AK9: variants seen among roughly 807,000 people sequenced by gnomAD.
AK9 encodes the protein adenylate kinase 9.
In AK9, 191 loss-of-function variants were observed where a neutral mutation model predicts 239.6. The observed-to-expected ratio is 0.80, with a 90% CI of 0.71 to 0.90. The LOEUF is 0.90. Among genes scored for constraint, AK9 ranks in the 40% least tolerant of loss-of-function variants. The pLI is 0.00. For missense variants in AK9, 1,995 were observed against 2,214.7 expected, an observed-to-expected ratio of 0.90 and a Z score of 1.99; for synonymous variants, 689 against 721.0, an observed-to-expected ratio of 0.96 and a Z score of 0.71.
intron 12 of AK9, 156 bp downstream of exon 12, chr6:109,632,767 T>A: frequency 8.8e-6 from 12 of 1,356,190 alleles, no homozygotes; most frequent in Non-Finnish European, 1.1e-5. Flanking sequence ...CCAAGCCCAG[T>A]GGAACAATTA....
At chr6:109,644,779 TTAAAG>T in intron 8 of AK9, 91 bp from the exon 9 acceptor site, 1 of 1,081,444 alleles carries the variant, frequency 9.2e-7, no homozygotes, top group Non-Finnish European at 1.3e-6. Context: ...GCAGATATAT[TTAAAG>T]TAAATTGTTT....
chr6:109,607,895 C>G (rs1793097181), intron 17 of AK9, among the ~76,000 whole-genome samples: 1 of 151,356 alleles, frequency 6.6e-6, no homozygotes, highest in Non-Finnish European at 1.5e-5. Flanking sequence ...CAGAAGAAAA[C>G]ATAACATATG....
At position 109,535,971 on chromosome 6, in the gene AK9, G is replaced by C. The variant is rs183624401; in HGVS notation, c.3351-2501C>G. 3.0e-4 allele frequency among the ~76,000 whole-genome samples: 46 copies of C among 152,284 alleles called. No homozygotes were observed. The East Asian group carries it at 8.7e-3, about 29-fold the overall frequency. On this transcript the variant is annotated intron_variant, in intron 27 of 40. Transcript: ENST00000424296. ...TTGTGTTCCATTGGTCTATATGTCT[G>C]TTTTGGTACCAGTACCATGTTGTTT... is the stretch of plus-strand genomic sequence containing the variant.
At position 109,506,706 on chromosome 6, in the gene AK9, G is replaced by C. The variant is rs1223255129; in HGVS notation, c.4576C>G (p.Pro1526Ala). The C allele has an allele frequency of 1.3e-6, 2 of 1,538,386 alleles. No individual in the cohort carries two copies. The highest frequency in any genetic ancestry group is 1.2e-5 in the South Asian group (1 of 82,638). The change falls in exon 34 of 41, where the codon CCT (proline) becomes GCT (alanine). Residue 1526 changes from proline to alanine, a missense_variant. By Grantham distance (27) the Pro-to-Ala change is conservative. This residue lies in a region of AK9 where 391 missense variants were observed against 456.0 expected (regional missense o/e 0.86). Coordinates refer to ENST00000424296, the MANE Select transcript of AK9 (RefSeq NM_001145128.3). The stretch of plus-strand genomic sequence containing the variant: ...AATCTTTTGAAAATCTCCTTGGAAG[G>C]CACACTCAATTCAAAGATGACCATG... ...IPMVIFELSVPSKEIFKRLLL... is the reference protein window; with the variant it reads ...IPMVIFELSVASKEIFKRLLL...
chr6:109,559,292 C>T (rs924795049), intron 24 of AK9, among the ~76,000 whole-genome samples: 4 of 152,118 alleles, frequency 2.6e-5, no homozygotes, highest in Admixed American at 2.0e-4. Flanking sequence ...CTCAGCCTCC[C>T]GAGTAGCTGG....
chr6:109,610,344 T>A lies in AK9; in HGVS notation c.1842+21A>T, dbSNP rs186746119. ...GTAATAGTTAAGTCACTGATAAGAATTGCCCAGCTAGATTTTTTACCTCTC... is the reference window on the plus strand; with the variant it reads ...GTAATAGTTAAGTCACTGATAAGAAATGCCCAGCTAGATTTTTTACCTCTC... On this transcript the variant is annotated intron_variant, in intron 17 of 40. Coordinates refer to ENST00000424296, the MANE Select transcript of AK9 (RefSeq NM_001145128.3). The A allele has an allele frequency of 1.4e-4, 218 of 1,549,766 alleles. 1 individual carries two copies. In the African/African-American group the frequency reaches 2.8e-3, roughly 20 times the overall value.
At chr6:109,531,137 A>G (rs1323497130) in intron 28 of AK9, among the ~76,000 whole-genome samples, 1 of 152,228 alleles carries the variant, frequency 6.6e-6, no homozygotes, top group Non-Finnish European at 1.5e-5. Context: ...TGTATTTGAG[A>G]AATACTGAGA....
chr6:109,537,312 T>G (rs1782153448), intron 27 of AK9, among the ~76,000 whole-genome samples: 1 of 152,114 alleles, frequency 6.6e-6, no homozygotes. Context: ...GGGATTCAAC[T>G]TCTTCCTAGT....
At chr6:109,599,859 T>C (rs1415119571) in intron 17 of AK9, among the ~76,000 whole-genome samples, 1 of 152,218 alleles carries the variant, frequency 6.6e-6, no homozygotes, top group African/African-American at 2.4e-5. Context: ...AGTTCACTCA[T>C]GATTTGGCTC....
chr6:109,505,557 G>T (rs1778026483), intron 35 of AK9, among the ~76,000 whole-genome samples: 1 of 152,106 alleles, frequency 6.6e-6, no homozygotes, highest in African/African-American at 2.4e-5. Context: ...ACTATAATGG[G>T]TGTAAATAGT....
chr6:109,680,888 C>T (rs1399557961), intron 1 of AK9, among the ~76,000 whole-genome samples: 1 of 152,170 alleles, frequency 6.6e-6, no homozygotes, highest in Admixed American at 6.5e-5. Context: ...AAATCCTTTA[C>T]AGACAAGCAA....
chr6:109,533,504 T>C (rs776465147), intron 27 of AK9, 34 bp from the exon 28 acceptor site: 31 of 1,521,564 alleles, frequency 2.0e-5, no homozygotes, highest in Non-Finnish European at 2.7e-5. Flanking sequence ...CTTTATTTCA[T>C]TAAAATGTTG....
Position 109,551,781 on chromosome 6 carries a change from A to G in AK9, c.2752-1479T>C, listed in dbSNP as rs79780784. Reference sequence around the variant, plus strand: ...TTTTTTATTTCTTCCAAAAAAAAAAAGGGGGGTACATGTGCAGAACGTGCA... The same window carrying G: ...TTTTTTATTTCTTCCAAAAAAAAAAGGGGGGGTACATGTGCAGAACGTGCA... On this transcript the variant is annotated intron_variant, in intron 24 of 40. Coordinates refer to ENST00000424296, the MANE Select transcript of AK9 (RefSeq NM_001145128.3). 9.3e-4 allele frequency among the ~76,000 whole-genome samples: 137 copies of G among 148,000 alleles called. 1 individual carries two copies. The East Asian group carries it at 0.01, about 11-fold the overall frequency.
At chr6:109,507,069 G>GAGAT (rs1778189688) in intron 33 of AK9, among the ~76,000 whole-genome samples, 2 of 152,180 alleles carry the variant, frequency 1.3e-5, no homozygotes, top group African/African-American at 4.8e-5. Context: ...CAGCATGCTG[G>GAGAT]AGATAGATTT....
chr6:109,659,102 A>G, intron 7 of AK9, 126 bp downstream of exon 7: 1 of 1,274,296 alleles, frequency 7.8e-7, no homozygotes, highest in Non-Finnish European at 1.0e-6. Context: ...TATTTCCTCC[A>G]AACTCAATAA....
intron 15 of AK9, 57 bp downstream of exon 15, chr6:109,614,126 T>C (rs1793884797): frequency 3.4e-6 from 5 of 1,457,928 alleles, no homozygotes; most frequent in Admixed American, 2.0e-5. Context: ...CATAATCAAA[T>C]ATGAAATAAA....
intron 27 of AK9, among the ~76,000 whole-genome samples, chr6:109,540,400 G>A (rs1230980500): frequency 6.6e-6 from 1 of 152,230 alleles, no homozygotes; most frequent in Non-Finnish European, 1.5e-5. Flanking sequence ...GACCCTCTGA[G>A]TCAGGCACAG....
intron 21 of AK9, among the ~76,000 whole-genome samples, chr6:109,569,195 A>C (rs1408844568): frequency 6.6e-6 from 1 of 152,242 alleles, no homozygotes; most frequent in South Asian, 2.1e-4. Flanking sequence ...TTCCCTATTT[A>C]ATAAATGGTG....
At chr6:109,605,796 C>T (rs888292464) in intron 17 of AK9, among the ~76,000 whole-genome samples, 15 of 152,050 alleles carry the variant, frequency 9.9e-5, no homozygotes, top group East Asian at 7.7e-4. Flanking sequence ...TTGGATGAAT[C>T]GGCCACACAG....
Sources: gnomAD v4.1 joint callset for allele counts (sites outside exome capture counted in the v4.1 genomes callset) on GRCh38, gnomAD v4.1.1 for gene constraint, gnomAD v4.1.1 regional missense constraint, MANE v1.5 for transcripts, NCBI Gene and HGNC (gene_info 2026-07-23, HGNC 2026-07-21) for gene names.